C3orf52: variants seen among roughly 807,000 people sequenced by gnomAD.
C3orf52 encodes chromosome 3 open reading frame 52.
C3orf52 carries 22 observed loss-of-function variants against 24.8 expected under a neutral mutation model. The ratio of observed to expected loss-of-function variants is 0.89; its 90% confidence interval spans 0.63 to 1.27. C3orf52 has a LOEUF of 1.27. Among genes scored for constraint, C3orf52 ranks in the 50% most tolerant of loss-of-function variants. The probability of loss-of-function intolerance (pLI) is 0.00; values close to 1 mark genes in which losing one functional copy is unlikely to be tolerated. For synonymous variants in C3orf52, 93 were observed against 100.2 expected (o/e 0.93, Z 0.43); for missense variants, 265 against 260.7 (o/e 1.02, Z -0.11).
downstream of C3orf52, chr3:112,132,808 C>G: frequency 2.6e-6 from 1 of 379,392 alleles, no homozygotes; most frequent in Non-Finnish European, 4.1e-6. Context: ...TGTTTCATTT[C>G]TTAGGTGGTA....
rs1448194298 is a variant in C3orf52, at chr3:112,117,424, G to C, written c.*778G>C. ...TATTTTGCAGCTCCTCGTTGTTCCT[G>C]TGATTCCTGAACACCTTTTTGGAAA... is the stretch of plus-strand genomic sequence containing the variant. On this transcript the variant is annotated 3_prime_UTR_variant, in exon 6 of 6. Transcript: ENST00000264848. The C allele has an allele frequency of 1.3e-5, 2 of 158,450 alleles. No individual in the cohort carries two copies. The highest frequency in any genetic ancestry group is 4.8e-5 in the African/African-American group (2 of 41,676). The allele number at this position is 158,450 out of a possible 1,614,324, so 9.8% of individuals were successfully genotyped here. A position where few individuals can be genotyped will look rare whatever the true frequency, so the allele number is the denominator to read the frequency against.
chr3:112,130,341 G>C, downstream of C3orf52: 1 of 879,318 alleles, frequency 1.1e-6, no homozygotes, highest in Non-Finnish European at 1.9e-6. Flanking sequence ...ACTGCTACTG[G>C]TCTAAACAGG....
intron 2 of C3orf52, among the ~76,000 whole-genome samples, chr3:112,095,405 T>A (rs920692410): frequency 1.3e-5 from 2 of 152,154 alleles, no homozygotes; most frequent in Non-Finnish European, 2.9e-5. Flanking sequence ...GGGCCTATCA[T>A]AAAGGATGAT....
At chr3:112,086,996 C>A (rs887859953) in intron 1 of C3orf52, among the ~76,000 whole-genome samples, 1 of 152,144 alleles carries the variant, frequency 6.6e-6, no homozygotes, top group African/African-American at 2.4e-5. Context: ...TCCCCTCCAC[C>A]CACCTCGCCG....
At chr3:112,108,804 T>TA (rs2074051190) in intron 3 of C3orf52, among the ~76,000 whole-genome samples, 1 of 152,156 alleles carries the variant, frequency 6.6e-6, no homozygotes, top group African/African-American at 2.4e-5. Context: ...TAGTAATTTG[T>TA]AAAAATATGC....
intron 4 of C3orf52, 42 bp from the exon 5 acceptor site, chr3:112,112,922 T>G: frequency 6.7e-7 from 1 of 1,499,850 alleles, no homozygotes; most frequent in Non-Finnish European, 9.2e-7. Context: ...TGAGTTGCAG[T>G]ATGATGCTGT....
chr3:112,130,656 T>C (rs899601087), downstream of C3orf52: 1 of 728,546 alleles, frequency 1.4e-6, no homozygotes, highest in Non-Finnish European at 2.4e-6. Flanking sequence ...ATGTTAATAC[T>C]GTTTCCTCAA....
chr3:112,099,342 C>T (rs762409058), intron 2 of C3orf52, among the ~76,000 whole-genome samples: 72 of 152,062 alleles, frequency 4.7e-4, no homozygotes, highest in Admixed American at 3.3e-4. Flanking sequence ...ACATTCAGAC[C>T]ATAACATATC....
rs2074057525 is a variant in C3orf52, at chr3:112,109,539, T to TC, written c.397-4_397-3insC. ...TGTGGTTTAATTTGCTTCTGTTTGT[T>TC]TAGCTCACAGATGTGTACAGTACAT... On this transcript the variant is annotated splice_region_variant and splice_polypyrimidine_tract_variant and intron_variant, in intron 3 of 5. Coordinates refer to ENST00000264848, the MANE Select transcript of C3orf52 (RefSeq NM_024616.3). 1 of 1,586,258 alleles carries TC rather than the reference T, an allele frequency of 6.3e-7. No individual in the cohort carries two copies.
intron 5 of C3orf52, among the ~76,000 whole-genome samples, chr3:112,116,173 C>A (rs16859220): frequency 6.6e-6 from 1 of 152,160 alleles, no homozygotes; most frequent in African/African-American, 2.4e-5. Flanking sequence ...AGGCTGGACT[C>A]CTGGTCTGTA....
At chr3:112,104,272 T>C (rs1207330660) in intron 3 of C3orf52, among the ~76,000 whole-genome samples, 1 of 152,122 alleles carries the variant, frequency 6.6e-6, no homozygotes, top group East Asian at 1.9e-4. Flanking sequence ...CTAGGACCGT[T>C]GGGTGGGGCA....
At chr3:112,090,936 T>C (rs2073871515) in intron 1 of C3orf52, among the ~76,000 whole-genome samples, 1 of 152,222 alleles carries the variant, frequency 6.6e-6, no homozygotes, top group Admixed American at 6.5e-5. Context: ...TACTGGGATG[T>C]CTTTTTCCCG....
At chr3:112,107,992 G>A (rs2074043127) in intron 3 of C3orf52, among the ~76,000 whole-genome samples, 1 of 152,184 alleles carries the variant, frequency 6.6e-6, no homozygotes, top group African/African-American at 2.4e-5. Flanking sequence ...TAAAGTAATA[G>A]GTCATTAAGC....
At chr3:112,107,059 A>G (rs1382027974) in intron 3 of C3orf52, among the ~76,000 whole-genome samples, 1 of 152,236 alleles carries the variant, frequency 6.6e-6, no homozygotes, top group Non-Finnish European at 1.5e-5. Context: ...TGTCCTAAGT[A>G]CAGCAGAGGA....
chr3:112,109,198 G>A (rs780748225), intron 3 of C3orf52, among the ~76,000 whole-genome samples: 4 of 152,170 alleles, frequency 2.6e-5, no homozygotes, highest in Non-Finnish European at 4.4e-5. Context: ...TGCTGCTGCT[G>A]TCCAGCAGCC....
intron 2 of C3orf52, among the ~76,000 whole-genome samples, chr3:112,095,768 G>A (rs1324402893): frequency 1.3e-5 from 2 of 150,430 alleles, no homozygotes; most frequent in Non-Finnish European, 2.9e-5. Flanking sequence ...CCTGTGGGGA[G>A]AGTCATGTTA....
downstream of C3orf52, chr3:112,119,372 TAACA>T (rs61174992): frequency 0.043 from 29,416 of 677,450 alleles, 871 homozygotes; most frequent in African/African-American, 0.1. Context: ...TGAAACTCCA[TAACA>T]AACAAACAAA....
intron 1 of C3orf52, among the ~76,000 whole-genome samples, chr3:112,086,979 C>T (rs1474398186): frequency 6.6e-6 from 1 of 152,156 alleles, no homozygotes; most frequent in African/African-American, 2.4e-5. Flanking sequence ...CTTGCCACTT[C>T]TCTCCCTCCC....
downstream of C3orf52, chr3:112,130,386 G>A (rs1239693802): frequency 2.2e-6 from 3 of 1,375,698 alleles, no homozygotes; most frequent in Non-Finnish European, 2.1e-6. Context: ...TCCAGGGCTT[G>A]ACATACTTCG....
Sources: allele counts gnomAD v4.1 joint callset (sites outside exome capture counted in the v4.1 genomes callset), GRCh38; gene constraint gnomAD v4.1.1; transcripts MANE v1.5; gene names NCBI Gene and HGNC (gene_info 2026-07-23, HGNC 2026-07-21).